Variants in CNBD1 observed in about 807,000 individuals in gnomAD.
CNBD1 encodes cyclic nucleotide binding domain containing 1, also known as cyclic nucleotide-binding domain-containing protein 1.
CNBD1 carries 71 observed loss-of-function variants against 54.4 expected under a neutral mutation model. That is an observed-to-expected ratio of 1.30 (90% CI 1.08 to 1.59). The LOEUF is 1.59. Ranked by LOEUF, CNBD1 falls within the 40% of genes most tolerant of loss-of-function variation. The pLI, the probability that CNBD1 is intolerant of heterozygous loss-of-function variation, is 0.00. For missense variants in CNBD1, 659 were observed against 518.0 expected, an observed-to-expected ratio of 1.27 and a Z score of -2.64; for synonymous variants, 182 against 170.7, an observed-to-expected ratio of 1.07 and a Z score of -0.51.
At position 87,311,354 on chromosome 8, in the gene CNBD1, A is replaced by G. The variant is rs186308728; in HGVS notation, c.1042+24683A>G. 1.4e-4 allele frequency among the ~76,000 whole-genome samples: 21 copies of G among 152,266 alleles called. No individual in the cohort carries two copies. The South Asian group carries it at 1.7e-3, about 12-fold the overall frequency. On this transcript the variant is annotated intron_variant, in intron 8 of 10. Coordinates refer to ENST00000518476, the MANE Select transcript of CNBD1 (RefSeq NM_173538.3). ...GCCAACAAACATGTAAAAATGCTCAACATCACTAATTATCAGAGAAATGCA... is the reference window on the plus strand; with the variant it reads ...GCCAACAAACATGTAAAAATGCTCAGCATCACTAATTATCAGAGAAATGCA...
chr8:86,975,694 G>A (rs1018938277), intron 4 of CNBD1, among the ~76,000 whole-genome samples: 1 of 152,014 alleles, frequency 6.6e-6, no homozygotes, highest in Non-Finnish European at 1.5e-5. Flanking sequence ...GAATGTGGGA[G>A]TGCAGTTATC....
At chr8:87,367,666 C>A (rs1020791470) in intron 10 of CNBD1, among the ~76,000 whole-genome samples, 1 of 152,122 alleles carries the variant, frequency 6.6e-6, no homozygotes, top group Admixed American at 6.6e-5. Flanking sequence ...TTTATCTAAT[C>A]AAATGTTCAC....
At chr8:87,251,458 G>A (rs138268783) in intron 6 of CNBD1, among the ~76,000 whole-genome samples, 1,661 of 151,916 alleles carry the variant, frequency 0.011, 25 homozygotes, top group African/African-American at 0.038. Flanking sequence ...CATGGTGGCC[G>A]GCACCTGTAA....
At chr8:87,360,891 G>A (rs984895888) in intron 10 of CNBD1, among the ~76,000 whole-genome samples, 3 of 151,806 alleles carry the variant, frequency 2.0e-5, no homozygotes, top group Admixed American at 2.0e-4. Context: ...AAGCACAGGA[G>A]GTCAGAGTTT....
At chr8:86,980,686 T>C (rs1463685070) in intron 4 of CNBD1, among the ~76,000 whole-genome samples, 1 of 152,204 alleles carries the variant, frequency 6.6e-6, no homozygotes, top group Non-Finnish European at 1.5e-5. Flanking sequence ...TATTAAGGGA[T>C]TTGCAAAAAT....
At chr8:87,426,090 G>C (rs999932788) in intron 2 of CNBD1, among the ~76,000 whole-genome samples, 1 of 152,178 alleles carries the variant, frequency 6.6e-6, no homozygotes, top group African/African-American at 2.4e-5. Flanking sequence ...TCCAGGTGCC[G>C]TCCATCACCC....
chr8:87,018,801 G>A (rs1037883687), intron 4 of CNBD1, among the ~76,000 whole-genome samples: 1 of 152,080 alleles, frequency 6.6e-6, no homozygotes, highest in South Asian at 2.1e-4. Context: ...GAAGAGGTAG[G>A]CACGTAAGAT....
At chr8:87,317,965 T>C (rs1586007833) in intron 8 of CNBD1, among the ~76,000 whole-genome samples, 2 of 152,138 alleles carry the variant, frequency 1.3e-5, no homozygotes, top group Admixed American at 1.3e-4. Context: ...CACCAATATT[T>C]TCTTCTGCAG....
chr8:86,929,952 G>C (rs1369708448), intron 3 of CNBD1, among the ~76,000 whole-genome samples: 3 of 152,148 alleles, frequency 2.0e-5, no homozygotes, highest in Non-Finnish European at 4.4e-5. Context: ...CACTCTCTCT[G>C]TGACATATAA....
At chr8:86,990,452 C>CT (rs150894690) in intron 4 of CNBD1, among the ~76,000 whole-genome samples, 2,176 of 152,142 alleles carry the variant, frequency 0.014, 56 homozygotes, top group African/African-American at 0.05. Context: ...AGAGATTGTC[C>CT]TTTCCCAATG....
At chr8:87,394,009 G>C (rs1478075755) in intron 2 of CNBD1, among the ~76,000 whole-genome samples, 3 of 151,788 alleles carry the variant, frequency 2.0e-5, no homozygotes, top group Admixed American at 1.3e-4. Flanking sequence ...ATGGAGAAGA[G>C]AGTCCAATCA....
intron 4 of CNBD1, among the ~76,000 whole-genome samples, chr8:87,069,051 CTT>C (rs1033339822): frequency 2.0e-5 from 3 of 152,150 alleles, no homozygotes; most frequent in Non-Finnish European, 4.4e-5. Flanking sequence ...AGGGACAAGT[CTT>C]TGTTTCTATA....
At chr8:87,327,261 G>T (rs1304326889) in intron 8 of CNBD1, among the ~76,000 whole-genome samples, 1 of 148,602 alleles carries the variant, frequency 6.7e-6, no homozygotes, top group South Asian at 2.1e-4. Flanking sequence ...CTTTTTGTTT[G>T]TCTGTGCCCT....
intron 4 of CNBD1, among the ~76,000 whole-genome samples, chr8:87,008,391 T>A (rs550887373): frequency 3.9e-5 from 6 of 152,356 alleles, no homozygotes; most frequent in African/African-American, 1.2e-4. Flanking sequence ...CAGTACTGAT[T>A]TTCTCAGATG....
chr8:87,420,129 T>C (rs943397671), intron 2 of CNBD1, among the ~76,000 whole-genome samples: 27 of 151,948 alleles, frequency 1.8e-4, no homozygotes, highest in Non-Finnish European at 3.7e-4. Flanking sequence ...AAGATAGACA[T>C]CATTTGATCA....
intron 3 of CNBD1, among the ~76,000 whole-genome samples, chr8:86,933,265 TA>T (rs2130409229): frequency 6.6e-6 from 1 of 152,268 alleles, no homozygotes; most frequent in Non-Finnish European, 1.5e-5. Flanking sequence ...CTGGTCATAG[TA>T]GCCAAGTTTG....
At chr8:86,917,303 G>T (rs1280795422) in intron 3 of CNBD1, among the ~76,000 whole-genome samples, 1 of 152,116 alleles carries the variant, frequency 6.6e-6, no homozygotes, top group Non-Finnish European at 1.5e-5. Context: ...GGAGTCCTTG[G>T]CTTCAGGCTA....
intron 8 of CNBD1, among the ~76,000 whole-genome samples, chr8:87,337,658 CA>C (rs1022969130): frequency 6.6e-6 from 1 of 152,200 alleles, no homozygotes; most frequent in African/African-American, 2.4e-5. Flanking sequence ...GGAAAAACCA[CA>C]GTTTTCCAGG....
chr8:87,210,651 CT>C (rs943514115), intron 5 of CNBD1, among the ~76,000 whole-genome samples: 1 of 152,126 alleles, frequency 6.6e-6, no homozygotes, highest in Non-Finnish European at 1.5e-5. Context: ...AAGCCATAAG[CT>C]TTGGTGGTTT....
Sources: gnomAD v4.1 joint callset for allele counts (sites outside exome capture counted in the v4.1 genomes callset) on GRCh38, gnomAD v4.1.1 for gene constraint, MANE v1.5 for transcripts, NCBI Gene and HGNC (gene_info 2026-07-23, HGNC 2026-07-21) for gene names.